The following RGS17 variants were observed in gnomAD, a reference collection of about 807,000 sequenced individuals.
The protein encoded by RGS17 is regulator of G-protein signaling 17.
In RGS17, 12 loss-of-function variants were observed where a neutral mutation model predicts 25.5. That is an observed-to-expected ratio of 0.47 (90% CI 0.30 to 0.76). The LOEUF is 0.76. Among genes scored for constraint, RGS17 ranks in the 30% least tolerant of loss-of-function variants. The pLI is 0.07. For missense variants in RGS17, 196 were observed against 242.2 expected (o/e 0.81, Z 1.27); for synonymous variants, 71 against 76.9 (o/e 0.92, Z 0.40).
At chr6:153,090,903 T>G (rs766116489) in intron 1 of RGS17, among the ~76,000 whole-genome samples, 14 of 152,144 alleles carry the variant, frequency 9.2e-5, no homozygotes, top group Non-Finnish European at 2.1e-4. Flanking sequence ...GTCTTGGAAC[T>G]AATCCCCTGA....
intron 1 of RGS17, among the ~76,000 whole-genome samples, chr6:153,053,000 A>T (rs1442261923): frequency 6.7e-6 from 1 of 150,320 alleles, no homozygotes; most frequent in Middle Eastern, 3.2e-3. Flanking sequence ...CCTCACCAGA[A>T]CCCAACCATA....
chr6:153,070,760 T>C (rs1285702538), intron 1 of RGS17, among the ~76,000 whole-genome samples: 1 of 151,430 alleles, frequency 6.6e-6, no homozygotes, highest in Non-Finnish European at 1.5e-5. Context: ...TATGTGTGTA[T>C]GTATATACAT....
rs1777781964 is a variant in RGS17 at position 153,130,965 on chromosome 6, C to A, written c.-26+159G>T. Among the ~76,000 whole-genome samples the A allele has an allele frequency of 6.6e-6, 1 of 150,752 alleles. No individual in the cohort carries two copies. The highest frequency in any genetic ancestry group is 1.5e-5 in the Non-Finnish European group (1 of 67,638). On this transcript the variant is annotated intron_variant, in intron 1 of 4. Transcript: ENST00000206262. The surrounding 1 kb of genome is among the most constrained non-coding windows in gnomAD (Gnocchi z 6.4). Reference sequence around the variant, plus strand: ...GCCGCGGCCACAGCTGAGACCCCAGCGCCGCGCAGCCGCCCCCGCCGGGGC... The same window carrying A: ...GCCGCGGCCACAGCTGAGACCCCAGAGCCGCGCAGCCGCCCCCGCCGGGGC...
At position 153,130,379 on chromosome 6, in the gene RGS17, T is replaced by A. The variant is rs1330348130; in HGVS notation, c.-26+745A>T. 6.6e-6 allele frequency among the ~76,000 whole-genome samples: 1 copy of A among 152,018 alleles called. No individual in the cohort carries two copies. The highest frequency in any genetic ancestry group is 1.5e-5 in the Non-Finnish European group (1 of 68,010). ...TCCTCGTCCTCGCCCCCTCGGTGGC[T>A]GTGGAATCCACCCCGCGCCGCACAC... On this transcript the variant is annotated intron_variant, in intron 1 of 4. Coordinates refer to ENST00000206262, the MANE Select transcript of RGS17 (RefSeq NM_012419.5). This position sits in a 1 kb window ranked among gnomAD's most constrained non-coding sequence, Gnocchi z 6.4.
At chr6:153,124,879 GGTC>G (rs1404587592) in intron 1 of RGS17, among the ~76,000 whole-genome samples, 1 of 152,016 alleles carries the variant, frequency 6.6e-6, no homozygotes, top group African/African-American at 2.4e-5. Context: ...GTGGACATAG[GGTC>G]GTCTACCAAG....
intron 1 of RGS17, among the ~76,000 whole-genome samples, chr6:153,102,175 TGA>T (rs1187646630): frequency 1.3e-5 from 2 of 152,218 alleles, no homozygotes; most frequent in African/African-American, 2.4e-5. Context: ...GCTGATGCTC[TGA>T]GAGAGTCTGA....
At chr6:153,113,260 A>G (rs1180028220) in intron 1 of RGS17, among the ~76,000 whole-genome samples, 4 of 152,178 alleles carry the variant, frequency 2.6e-5, no homozygotes, top group Admixed American at 2.6e-4. Context: ...AGAAAAAGAA[A>G]AAAAAGCAGG....
intron 1 of RGS17, among the ~76,000 whole-genome samples, chr6:153,054,587 G>C (rs1776527618): frequency 6.6e-6 from 1 of 151,740 alleles, no homozygotes; most frequent in Non-Finnish European, 1.5e-5. Flanking sequence ...GAGGGTGGAG[G>C]TTGCAGTGAG....
chr6:153,129,153 G>A (rs1777747614), intron 1 of RGS17, among the ~76,000 whole-genome samples: 1 of 152,082 alleles, frequency 6.6e-6, no homozygotes. Flanking sequence ...TTCTTTTCTT[G>A]TTACCTCAAA....
At chr6:153,109,769 G>T (rs1157157297) in intron 1 of RGS17, among the ~76,000 whole-genome samples, 7 of 152,250 alleles carry the variant, frequency 4.6e-5, no homozygotes, top group Non-Finnish European at 1.0e-4. Context: ...GTGTCAGGGT[G>T]CCATTTAAAC....
At chr6:153,084,180 T>C (rs1488833706) in intron 1 of RGS17, among the ~76,000 whole-genome samples, 3 of 152,156 alleles carry the variant, frequency 2.0e-5, no homozygotes, top group Admixed American at 1.3e-4. Flanking sequence ...GCTACTACCA[T>C]CCAGCCTGGA....
At chr6:153,100,644 T>C (rs900206571) in intron 1 of RGS17, among the ~76,000 whole-genome samples, 1 of 152,210 alleles carries the variant, frequency 6.6e-6, no homozygotes, top group African/African-American at 2.4e-5. Flanking sequence ...TTACTTCTTA[T>C]AGGAACGTTC....
chr6:153,055,522 T>C (rs913255737), intron 1 of RGS17, among the ~76,000 whole-genome samples: 2 of 152,080 alleles, frequency 1.3e-5, no homozygotes, highest in Admixed American at 1.3e-4. Flanking sequence ...GGTCTCTCCT[T>C]TGCAAAGAAG....
chr6:153,122,248 A>C (rs1777643308), intron 1 of RGS17, among the ~76,000 whole-genome samples: 1 of 152,124 alleles, frequency 6.6e-6, no homozygotes, highest in Admixed American at 6.5e-5. Context: ...CATAAATAAA[A>C]GGGGAAACAT....
At chr6:153,045,980 A>G (rs1461713054) in intron 1 of RGS17, among the ~76,000 whole-genome samples, 1 of 152,230 alleles carries the variant, frequency 6.6e-6, no homozygotes, top group Non-Finnish European at 1.5e-5. Context: ...AAAATGCGGT[A>G]TATATACATC....
intron 1 of RGS17, among the ~76,000 whole-genome samples, chr6:153,068,659 AACG>A (rs955028067): frequency 1.3e-5 from 2 of 152,202 alleles, no homozygotes; most frequent in Non-Finnish European, 2.9e-5. Context: ...AACATAGTGA[AACG>A]ACAAGTCACA....
chr6:153,043,175 C>G (rs1776343684), intron 2 of RGS17, among the ~76,000 whole-genome samples: 1 of 152,182 alleles, frequency 6.6e-6, no homozygotes, highest in South Asian at 2.1e-4. Context: ...TTGTCTAACT[C>G]TTCATCATTT....
chr6:153,077,566 TC>T (rs925839623), intron 1 of RGS17, among the ~76,000 whole-genome samples: 2 of 152,288 alleles, frequency 1.3e-5, no homozygotes, highest in Admixed American at 6.5e-5. Context: ...TTTTAAAATG[TC>T]ATTATTAGAA....
chr6:153,027,559 T>C (rs1463176815), intron 2 of RGS17, among the ~76,000 whole-genome samples: 1 of 152,146 alleles, frequency 6.6e-6, no homozygotes, highest in Non-Finnish European at 1.5e-5. Flanking sequence ...TTCACTTACT[T>C]ACTCAAAATA....
Sources: allele counts gnomAD v4.1 joint callset (sites outside exome capture counted in the v4.1 genomes callset), GRCh38; gene constraint gnomAD v4.1.1; non-coding constraint Gnocchi (gnomAD v3.1); transcripts MANE v1.5; gene names NCBI Gene and HGNC (gene_info 2026-07-23, HGNC 2026-07-21).